The following HMGCLL1 variants were observed in gnomAD, a reference collection of about 807,000 sequenced individuals.
HMGCLL1 encodes the protein 3-hydroxymethyl-3-methylglutaryl-CoA lyase, cytoplasmic.
HMGCLL1 carries 36 observed loss-of-function variants against 39.1 expected under a neutral mutation model. That is an observed-to-expected ratio of 0.92 (90% CI 0.71 to 1.22). The LOEUF is 1.22. HMGCLL1 is among the 50% of genes most tolerant of loss of function. HMGCLL1 has a pLI of 0.00. For synonymous variants in HMGCLL1, 149 were observed against 144.0 expected (o/e 1.03, Z -0.25); for missense variants, 451 against 416.5 (o/e 1.08, Z -0.72).
chr6:55,625,845 G>A, the HMGCLL1 span, among the ~76,000 whole-genome samples: 1 of 152,154 alleles, frequency 6.6e-6, no homozygotes, highest in African/African-American at 2.4e-5. Context: ...TCATGTGAGT[G>A]CTCACCAGCG....
At chr6:55,591,384 T>A in the HMGCLL1 span, among the ~76,000 whole-genome samples, 1 of 152,104 alleles carries the variant, frequency 6.6e-6, no homozygotes, top group East Asian at 1.9e-4. Context: ...AAACTTTAGT[T>A]CTAGGTCTTC....
At chr6:55,476,406 T>G (rs555040289) in intron 7 of HMGCLL1, among the ~76,000 whole-genome samples, 2 of 151,802 alleles carry the variant, frequency 1.3e-5, no homozygotes, top group East Asian at 3.9e-4. Flanking sequence ...TTTTATATAT[T>G]GTGCTTATAT....
chr6:55,533,872 C>T, intron 3 of HMGCLL1, among the ~76,000 whole-genome samples: 1 of 89,452 alleles, frequency 1.1e-5, no homozygotes, highest in East Asian at 3.5e-4. Context: ...GGCGACAGAG[C>T]GAGACTCCGT....
At chr6:55,663,582 G>A in the HMGCLL1 span, among the ~76,000 whole-genome samples, 1 of 151,866 alleles carries the variant, frequency 6.6e-6, no homozygotes, top group African/African-American at 2.4e-5. Context: ...GCTGAGGATT[G>A]TTTTACTTTC....
In HMGCLL1 at chr6:55,548,975, T is replaced by C. The variant is rs185955593; in HGVS notation, c.109-6835A>G. Among the ~76,000 whole-genome samples the C allele has an allele frequency of 1.6e-3, 249 of 151,818 alleles. 3 individuals carry two copies. Among genetic ancestry groups the C allele is most frequent in the African/African-American group, 5.6e-3 (231 of 41,360 alleles). ...TTCAAAACAGAAAAACTTCTATGAA[T>C]TGATAGAGCACAAGATGCTGTAAAC... is the stretch of plus-strand genomic sequence containing the variant. On this transcript the variant is annotated intron_variant, in intron 1 of 8. Transcript: ENST00000274901.
chr6:55,462,008 C>T (rs2127396529), intron 7 of HMGCLL1, among the ~76,000 whole-genome samples: 1 of 152,222 alleles, frequency 6.6e-6, no homozygotes, highest in African/African-American at 2.4e-5. Context: ...AATGACATTC[C>T]TACCAAATAC....
intron 3 of HMGCLL1, among the ~76,000 whole-genome samples, chr6:55,518,255 AG>A (rs66476414): frequency 0.25 from 37,284 of 152,052 alleles, 4,753 homozygotes; most frequent in Admixed American, 0.31. Flanking sequence ...AACAATTCAA[AG>A]AAATATACTG....
At chr6:55,633,292 C>T in the HMGCLL1 span, among the ~76,000 whole-genome samples, 533 of 151,778 alleles carry the variant, frequency 3.5e-3, 1 homozygote, top group African/African-American at 0.012. Context: ...GTCAAGCATG[C>T]CCTTTAGTTA....
At chr6:55,666,747 T>C in the HMGCLL1 span, among the ~76,000 whole-genome samples, 1 of 151,714 alleles carries the variant, frequency 6.6e-6, no homozygotes, top group Admixed American at 6.6e-5. Context: ...CAAATCCTAC[T>C]GCATGGGTAG....
At chr6:55,532,239 G>A (rs1202271331) in intron 3 of HMGCLL1, among the ~76,000 whole-genome samples, 1 of 151,988 alleles carries the variant, frequency 6.6e-6, no homozygotes, top group Non-Finnish European at 1.5e-5. Flanking sequence ...AATAATCTTC[G>A]AGTATAATAC....
the HMGCLL1 span, among the ~76,000 whole-genome samples, chr6:55,609,696 G>A: frequency 6.6e-6 from 1 of 152,078 alleles, no homozygotes; most frequent in Non-Finnish European, 1.5e-5. Context: ...TCATTAAATG[G>A]GTCCTTGTTC....
the HMGCLL1 span, among the ~76,000 whole-genome samples, chr6:55,667,162 A>G: frequency 6.6e-6 from 1 of 151,752 alleles, no homozygotes; most frequent in South Asian, 2.1e-4. Flanking sequence ...TAGCATTGAG[A>G]AGCCCTTTAA....
intron 1 of HMGCLL1, among the ~76,000 whole-genome samples, chr6:55,561,301 T>C (rs1184277555): frequency 2.6e-5 from 4 of 152,166 alleles, no homozygotes; most frequent in Admixed American, 1.3e-4. Context: ...TCAGGAAATT[T>C]AGATTCCTTA....
chr6:55,497,044 A>AAT (rs763178188), intron 6 of HMGCLL1, among the ~76,000 whole-genome samples: 3 of 152,118 alleles, frequency 2.0e-5, no homozygotes, highest in Non-Finnish European at 4.4e-5. Context: ...CTGGCTCATA[A>AAT]ATATATATAC....
intron 7 of HMGCLL1, among the ~76,000 whole-genome samples, chr6:55,494,231 G>A (rs1386937131): frequency 6.6e-6 from 1 of 151,994 alleles, no homozygotes; most frequent in Non-Finnish European, 1.5e-5. Flanking sequence ...GACCTAAACT[G>A]TTATTCATTC....
the HMGCLL1 span, among the ~76,000 whole-genome samples, chr6:55,615,252 TA>T: frequency 6.6e-6 from 1 of 151,964 alleles, no homozygotes; most frequent in Non-Finnish European, 1.5e-5. Flanking sequence ...ATGCTATGAT[TA>T]AAAACCCAAA....
chr6:55,462,843 T>G (rs1197675612), intron 7 of HMGCLL1, among the ~76,000 whole-genome samples: 2 of 152,078 alleles, frequency 1.3e-5, no homozygotes, highest in African/African-American at 4.8e-5. Flanking sequence ...TCAGGAGTAG[T>G]TAACTGCAGA....
At chr6:55,464,019 C>T (rs1764694616) in intron 7 of HMGCLL1, among the ~76,000 whole-genome samples, 1 of 152,100 alleles carries the variant, frequency 6.6e-6, no homozygotes, top group South Asian at 2.1e-4. Flanking sequence ...CTTGTTCATA[C>T]TCTTTGAATT....
chr6:55,587,470 C>G, the HMGCLL1 span, among the ~76,000 whole-genome samples: 1 of 151,946 alleles, frequency 6.6e-6, no homozygotes, highest in Non-Finnish European at 1.5e-5. Flanking sequence ...TAAAGATCAT[C>G]GAGGCTAGGA....
Sources: allele counts gnomAD v4.1 joint callset (sites outside exome capture counted in the v4.1 genomes callset), GRCh38; gene constraint gnomAD v4.1.1; transcripts MANE v1.5; gene names NCBI Gene and HGNC (gene_info 2026-07-23, HGNC 2026-07-21).